Variants in WIF1 observed in about 807,000 individuals in gnomAD.
WIF1 encodes the protein Wnt inhibitory factor 1.
In WIF1, 35 loss-of-function variants were observed where a neutral mutation model predicts 53.5. The observed-to-expected ratio is 0.65, with a 90% CI of 0.50 to 0.87. The LOEUF (loss-of-function observed/expected upper bound fraction) is 0.87, where lower values mean the gene tolerates loss of function less well. WIF1 is among the 40% of genes least tolerant of loss of function. The pLI, the probability that WIF1 is intolerant of heterozygous loss-of-function variation, is 0.00. For missense variants in WIF1, 467 were observed against 476.8 expected (o/e 0.98, Z 0.19); for synonymous variants, 171 against 170.4 (o/e 1.00, Z -0.03).
intron 3 of WIF1, among the ~76,000 whole-genome samples, chr12:65,072,223 C>T (rs1269997695): frequency 6.6e-6 from 1 of 152,162 alleles, no homozygotes; most frequent in African/African-American, 2.4e-5. Flanking sequence ...GGTGCACATC[C>T]ACAATTTCCT....
intron 3 of WIF1, among the ~76,000 whole-genome samples, chr12:65,076,998 A>T (rs1373098740): frequency 6.6e-6 from 1 of 152,172 alleles, no homozygotes; most frequent in Non-Finnish European, 1.5e-5. Flanking sequence ...ATGATAACAC[A>T]AGTGATCTCT....
In WIF1 at chr12:65,067,711, T is replaced by G; in HGVS notation, c.618A>C (p.Gly206=). The change falls in exon 5 of 10, where the codon GGA becomes GGC. Residue 206 remains glycine, a synonymous_variant. Coordinates refer to ENST00000286574, the MANE Select transcript of WIF1 (RefSeq NM_007191.5). ...ATGTCTTACCTTTCTCACAGTGAGG[T>G]CCGTGGAACCCATCAGGACACTCGC... ...RICECPDGFH[G]PHCEKALCTP... 1 of 1,613,220 alleles carries G rather than the reference T, an allele frequency of 6.2e-7. No homozygotes were observed. The highest frequency in any genetic ancestry group is 8.5e-7 in the Non-Finnish European group (1 of 1,179,404).
At chr12:65,121,023 C>T in intron 1 of WIF1, 21 bp downstream of exon 1, 1 of 1,440,818 alleles carries the variant, frequency 6.9e-7, no homozygotes, top group Non-Finnish European at 9.2e-7. Flanking sequence ...CAGGGGAAGG[C>T]GCTGGAGGCG....
intron 2 of WIF1, among the ~76,000 whole-genome samples, chr12:65,087,078 A>T (rs1416864750): frequency 1.3e-5 from 2 of 152,162 alleles, no homozygotes; most frequent in Non-Finnish European, 2.9e-5. Context: ...TAAACGTGGG[A>T]GGCAGAGGTT....
intron 2 of WIF1, among the ~76,000 whole-genome samples, chr12:65,088,061 A>G (rs961513208): frequency 2.6e-5 from 4 of 152,196 alleles, no homozygotes. Flanking sequence ...TCTGTTTAAG[A>G]AAAAGAGAAA....
chr12:65,055,876 A>G (rs1353795127), intron 8 of WIF1, among the ~76,000 whole-genome samples, 155 bp downstream of exon 8: 2 of 152,232 alleles, frequency 1.3e-5, no homozygotes, highest in Admixed American at 6.5e-5. Context: ...TTCATACCAC[A>G]CCTCTGGTCT....
At chr12:65,074,817 C>CAAAAAAAAAAAAAAA (rs758690202) in intron 3 of WIF1, among the ~76,000 whole-genome samples, 7 of 55,426 alleles carry the variant, frequency 1.3e-4, no homozygotes, top group African/African-American at 2.1e-4. Context: ...CACTCTGTCT[C>CAAAAAAAAAAAAAAA]AAAAAAAAAA....
chr12:65,057,180 C>T (rs750289229), intron 7 of WIF1, among the ~76,000 whole-genome samples: 3 of 152,000 alleles, frequency 2.0e-5, no homozygotes, highest in East Asian at 1.9e-4. Flanking sequence ...GCTGCTAAGT[C>T]GAGGTGCAGT....
intron 2 of WIF1, among the ~76,000 whole-genome samples, chr12:65,101,150 G>T (rs555569076): frequency 6.6e-5 from 10 of 152,130 alleles, no homozygotes; most frequent in African/African-American, 2.2e-4. Flanking sequence ...GGTTATATCC[G>T]GGAAATTAAG....
intron 2 of WIF1, among the ~76,000 whole-genome samples, chr12:65,084,362 G>T (rs1883003279): frequency 6.6e-6 from 1 of 152,122 alleles, no homozygotes; most frequent in Non-Finnish European, 1.5e-5. Flanking sequence ...CGGCCTGTTA[G>T]GTGTCTCCAC....
chr12:65,090,780 A>G (rs900683500), intron 2 of WIF1, among the ~76,000 whole-genome samples: 8 of 152,150 alleles, frequency 5.3e-5, no homozygotes, highest in African/African-American at 1.9e-4. Flanking sequence ...AAGTAGGTGA[A>G]AATGTTGGCA....
chr12:65,094,936 A>G (rs1883180558), intron 2 of WIF1, among the ~76,000 whole-genome samples: 1 of 119,398 alleles, frequency 8.4e-6, no homozygotes. Flanking sequence ...TTATTTATTT[A>G]TTTATTTATT....
At chr12:65,114,187 G>A (rs1313686513) in intron 2 of WIF1, among the ~76,000 whole-genome samples, 5 of 150,240 alleles carry the variant, frequency 3.3e-5, no homozygotes, top group Non-Finnish European at 7.4e-5. Flanking sequence ...TTTTTTTTTG[G>A]TTTACGTCAA....
intron 7 of WIF1, among the ~76,000 whole-genome samples, chr12:65,056,645 AT>A (rs1183936174): frequency 1.3e-5 from 2 of 151,680 alleles, no homozygotes; most frequent in East Asian, 3.9e-4. Flanking sequence ...CTGGGTATTG[AT>A]TTTTGTTTTT....
At chr12:65,062,811 T>C (rs1162245780) in intron 6 of WIF1, among the ~76,000 whole-genome samples, 2 of 152,138 alleles carry the variant, frequency 1.3e-5, no homozygotes, top group African/African-American at 2.4e-5. Context: ...AGTAGGAGTT[T>C]CCATCTCAGT....
At position 65,056,101 on chromosome 12, in the gene WIF1, A is replaced by C; in HGVS notation, c.852T>G (p.Asn284Lys). ...EISKCPQPCR[N>K]GGKCIGKSKC... ...TGCTTTTACCAATGCATTTACCTCC[A>C]TTTCGACAGGGTTGTGGGCATTTGC... The change falls in exon 8 of 10, where the codon AAT becomes AAG. Residue 284 changes from asparagine (N) to lysine (K), a missense_variant. Coordinates refer to ENST00000286574, the MANE Select transcript of WIF1 (RefSeq NM_007191.5). 1 of 1,614,062 alleles carries C rather than the reference A, an allele frequency of 6.2e-7. No individual in the cohort carries two copies. Among genetic ancestry groups the C allele is most frequent in the Non-Finnish European group, 8.5e-7 (1 of 1,179,986 alleles).
At chr12:65,105,663 C>A (rs1389531976) in intron 2 of WIF1, among the ~76,000 whole-genome samples, 2 of 152,070 alleles carry the variant, frequency 1.3e-5, no homozygotes, top group Admixed American at 1.3e-4. Flanking sequence ...TTCTAAGAAC[C>A]CACTTTCATG....
intron 3 of WIF1, among the ~76,000 whole-genome samples, chr12:65,077,474 T>C (rs754624488): frequency 2.6e-5 from 4 of 152,112 alleles, no homozygotes; most frequent in Admixed American, 6.6e-5. Context: ...TCTTTCTCCT[T>C]TTTTTTCTTT....
intron 4 of WIF1, among the ~76,000 whole-genome samples, chr12:65,068,382 C>A (rs1268133122): frequency 2.0e-5 from 3 of 151,934 alleles, no homozygotes; most frequent in Non-Finnish European, 2.9e-5. Flanking sequence ...GTGGGAAGTG[C>A]TGGTAATTAT....
Sources: gnomAD v4.1 joint callset for allele counts (sites outside exome capture counted in the v4.1 genomes callset) on GRCh38, gnomAD v4.1.1 for gene constraint, MANE v1.5 for transcripts, NCBI Gene and HGNC (gene_info 2026-07-23, HGNC 2026-07-21) for gene names.